Variants in TMEM232 observed in about 807,000 individuals in gnomAD.
TMEM232 encodes the protein transmembrane protein 232.
TMEM232 carries 80 observed loss-of-function variants against 78.8 expected under a neutral mutation model. The ratio of observed to expected loss-of-function variants is 1.01; its 90% CI spans 0.85 to 1.22. The LOEUF is 1.22. Among genes scored for constraint, TMEM232 ranks in the 50% most tolerant of loss-of-function variants. The pLI is 0.00. For synonymous variants in TMEM232, 297 were observed against 254.3 expected (o/e 1.17, Z -1.60); for missense variants, 881 against 742.2 (o/e 1.19, Z -2.17).
chr5:110,503,926 A>G (rs1766564315), intron 12 of TMEM232, among the ~76,000 whole-genome samples: 1 of 152,178 alleles, frequency 6.6e-6, no homozygotes. Context: ...AAATTCTATA[A>G]GGACATGGAA....
intron 1 of TMEM232, among the ~76,000 whole-genome samples, chr5:110,696,410 T>G (rs1446437690): frequency 6.6e-6 from 1 of 152,164 alleles, no homozygotes; most frequent in Non-Finnish European, 1.5e-5. Flanking sequence ...GGATGCCCTC[T>G]CTCACCACTC....
intron 1 of TMEM232, among the ~76,000 whole-genome samples, chr5:110,702,187 T>C (rs766300165): frequency 1.3e-5 from 2 of 151,982 alleles, no homozygotes; most frequent in Admixed American, 1.3e-4. Context: ...AATCTTACAA[T>C]AGCCCCTGTT....
At chr5:110,687,165 TC>T (rs1793520484) in intron 1 of TMEM232, among the ~76,000 whole-genome samples, 3 of 152,158 alleles carry the variant, frequency 2.0e-5, no homozygotes, top group African/African-American at 7.2e-5. Context: ...TAGTGCTGCC[TC>T]ACCCATTATC....
chr5:110,682,268 T>C (rs1047081283), intron 1 of TMEM232, among the ~76,000 whole-genome samples: 1 of 152,146 alleles, frequency 6.6e-6, no homozygotes, highest in Non-Finnish European at 1.5e-5. Context: ...AGGGTACTCA[T>C]TAAATTTGTG....
chr5:110,653,869 T>C (rs1375305692), intron 2 of TMEM232, among the ~76,000 whole-genome samples: 1 of 152,106 alleles, frequency 6.6e-6, no homozygotes, highest in Non-Finnish European at 1.5e-5. Flanking sequence ...CATGAGGAAA[T>C]GGATAAGATC....
chr5:110,633,568 T>C (rs1351999170), intron 5 of TMEM232, among the ~76,000 whole-genome samples: 10 of 151,944 alleles, frequency 6.6e-5, no homozygotes. Flanking sequence ...TGATAATGAG[T>C]GAGTTCTCAT....
upstream of TMEM232, chr5:110,738,822 T>C (rs1278767041): frequency 1.9e-6 from 1 of 538,674 alleles, no homozygotes; most frequent in Non-Finnish European, 3.1e-6. Flanking sequence ...TTCTGGAATC[T>C]CTTTGGTACT....
Position 110,605,502 on chromosome 5 carries a change from T to G in TMEM232, c.1027-144A>C, listed in dbSNP as rs977886939. On this transcript the variant is annotated intron_variant, in intron 9 of 13. Transcript: ENST00000455884. ...CATTAAAAAATGGGTTTACCATGAG[T>G]AGACTGCATAAAATACAGTTCAAAG... is the stretch of plus-strand genomic sequence containing the variant. 1.4e-4 allele frequency: 117 copies of G among 828,520 alleles called. No individual in the cohort carries two copies. In the African/African-American group the frequency reaches 1.8e-3, roughly 13 times the overall value. 51.3% of individuals were successfully genotyped at this position (828,520 alleles called of 1,614,324 possible). A position where few individuals can be genotyped will look rare whatever the true frequency, so the allele number is the denominator to read the frequency against.
chr5:110,684,971 T>C (rs1052159993), intron 1 of TMEM232: 1 of 152,082 alleles, frequency 6.6e-6, no homozygotes, highest in Non-Finnish European at 1.5e-5. Context: ...AGAAAGTATG[T>C]CTTAACGAAT....
At chr5:110,559,937 G>T (rs1171750824) in intron 11 of TMEM232, among the ~76,000 whole-genome samples, 1 of 152,018 alleles carries the variant, frequency 6.6e-6, no homozygotes, top group Non-Finnish European at 1.5e-5. Flanking sequence ...TCTCCACATG[G>T]CTCTATCCCT....
intron 7 of TMEM232, among the ~76,000 whole-genome samples, chr5:110,619,780 T>G (rs1783401004): frequency 6.6e-6 from 1 of 152,124 alleles, no homozygotes; most frequent in Non-Finnish European, 1.5e-5. Context: ...ATCCTCAGAT[T>G]GCAAACTTAT....
In TMEM232 at chr5:110,642,286, C is replaced by G. The variant is rs1453899270; in HGVS notation, c.211G>C (p.Ala71Pro). The G allele has an allele frequency of 6.5e-7, 1 of 1,537,886 alleles. No individual in the cohort carries two copies. Among genetic ancestry groups the G allele is most frequent in the Admixed American group, 2.1e-5 (1 of 48,596 alleles). The change falls in exon 3 of 14, where the codon GCT (alanine) becomes CCT (proline). Residue 71 changes from alanine to proline, a missense_variant. Ala to Pro is a conservative substitution (Grantham distance 27, BLOSUM62 -1). Coordinates refer to ENST00000455884, the MANE Select transcript of TMEM232 (RefSeq NM_001039763.4). Reference sequence around the variant, plus strand: ...TTACATCTGAGAATGATTTTTCTAGCTAGTTCCAACAATTCTTCCTTCTCT... The same window carrying G: ...TTACATCTGAGAATGATTTTTCTAGGTAGTTCCAACAATTCTTCCTTCTCT... ...SKEKEELLEL[A>P]RKIILRCKRK...
chr5:110,683,650 T>A (rs1050757842), intron 1 of TMEM232, among the ~76,000 whole-genome samples: 4 of 151,928 alleles, frequency 2.6e-5, no homozygotes, highest in Admixed American at 6.6e-5. Flanking sequence ...ATTATTATTA[T>A]GCCTTTTTAG....
intron 10 of TMEM232, among the ~76,000 whole-genome samples, chr5:110,595,191 TAGA>T (rs1396547745): frequency 2.6e-5 from 4 of 152,124 alleles, no homozygotes; most frequent in Non-Finnish European, 5.9e-5. Context: ...GCCTGACTGT[TAGA>T]AGGAAAACTA....
intron 10 of TMEM232, among the ~76,000 whole-genome samples, chr5:110,599,384 T>C (rs746950193): frequency 2.6e-5 from 4 of 152,040 alleles, no homozygotes; most frequent in Non-Finnish European, 5.9e-5. Flanking sequence ...GAAAACTGGA[T>C]AAAGAGTCAA....
intron 12 of TMEM232, among the ~76,000 whole-genome samples, chr5:110,441,576 T>C (rs1759048332): frequency 1.3e-5 from 2 of 152,172 alleles, no homozygotes; most frequent in African/African-American, 4.8e-5. Context: ...TCTAACCTAA[T>C]TGTTAGAAGA....
intron 12 of TMEM232, among the ~76,000 whole-genome samples, chr5:110,526,025 C>CAAAA (rs758110596): frequency 1.3e-3 from 64 of 47,770 alleles, no homozygotes; most frequent in African/African-American, 2.8e-3. Context: ...CACCATACAC[C>CAAAA]AAAAAAAAAA....
chr5:110,560,876 A>G (rs1354592524), intron 11 of TMEM232, among the ~76,000 whole-genome samples: 1 of 152,012 alleles, frequency 6.6e-6, no homozygotes, highest in African/African-American at 2.4e-5. Flanking sequence ...ATCTTCTCAT[A>G]TTTTCATAGC....
intron 12 of TMEM232, among the ~76,000 whole-genome samples, chr5:110,448,454 T>C (rs897194885): frequency 1.3e-5 from 2 of 152,054 alleles, no homozygotes; most frequent in African/African-American, 4.8e-5. Flanking sequence ...ACCTAGCCAA[T>C]AGTTCTACAA....
Sources: gnomAD v4.1 joint callset for allele counts (sites outside exome capture counted in the v4.1 genomes callset) on GRCh38, gnomAD v4.1.1 for gene constraint, MANE v1.5 for transcripts, NCBI Gene and HGNC (gene_info 2026-07-23, HGNC 2026-07-21) for gene names.